Variants in OPA1 observed in about 807,000 individuals in gnomAD.
The protein encoded by OPA1 is dynamin-like GTPase OPA1, mitochondrial.
OPA1 carries 59 observed loss-of-function variants against 152.9 expected under a neutral mutation model. The ratio of observed to expected loss-of-function variants is 0.39; its 90% CI spans 0.31 to 0.48. The LOEUF (loss-of-function observed/expected upper bound fraction) is 0.48, where lower values mean the gene tolerates loss of function less well. Ranked by LOEUF, OPA1 falls within the 20% of genes least tolerant of loss-of-function variation. The pLI is 0.96. For synonymous variants in OPA1, 400 were observed against 389.9 expected (o/e 1.03, Z -0.31); for missense variants, 1,008 against 1,216.8 (o/e 0.83, Z 2.55).
chr3:193,645,757 A>C lies in OPA1; in HGVS notation c.1711A>C (p.Arg571=). Residue 571 remains arginine, a synonymous_variant, in exon 18 of 31, where the codon AGA becomes CGA. Transcript: ENST00000361510. Reference sequence around the variant, plus strand: ...CAGCTCTGAAAGCATTGAAGCTATAAGAGAATATGAAGAAGAGTTTTTTCA... The same window carrying C: ...CAGCTCTGAAAGCATTGAAGCTATACGAGAATATGAAGAAGAGTTTTTTCA... ...GNSSESIEAI[R]EYEEEFFQNS... is the part of the protein sequence containing the mutation. 6.2e-7 allele frequency: 1 copy of C among 1,613,714 alleles called. No homozygotes were observed. The highest frequency in any genetic ancestry group is 1.1e-5 in the South Asian group (1 of 91,062).
intron 6 of OPA1, among the ~76,000 whole-genome samples, chr3:193,620,214 G>A (rs1482542042): frequency 6.6e-6 from 1 of 152,192 alleles, no homozygotes; most frequent in African/African-American, 2.4e-5. Flanking sequence ...GTGTGGTAGT[G>A]TGGTTCTTTG....
chr3:193,684,678 T>G (rs1361727405), intron 29 of OPA1, among the ~76,000 whole-genome samples: 1 of 152,078 alleles, frequency 6.6e-6, no homozygotes, highest in East Asian at 2.0e-4. Context: ...CTTGAACTCC[T>G]GACCTCATGT....
In OPA1 at chr3:193,626,194, A is replaced by G. The variant is rs1433255530; in HGVS notation, c.781A>G (p.Lys261Glu). ...ATATAGCACGAGCTATGCCCAACAG[A>G]AGCGCAAGGTGATGGATGGTTTAAG... is the stretch of plus-strand genomic sequence containing the variant. Reference protein sequence around the residue: ...GQYSTSYAQQKRKVSDKEKID... With the variant: ...GQYSTSYAQQERKVSDKEKID... Residue 261 changes from lysine (K) to glutamate (E), a missense_variant, in exon 7 of 31, where the codon AAG (lysine) becomes GAG (glutamate). Lys to Glu is a moderately conservative substitution (Grantham distance 56). Around this residue, in one of 7 missense-constraint regions of OPA1, gnomAD observed 408 missense variants for 395.1 expected, o/e 1.03. Coordinates refer to ENST00000361510, the MANE Select transcript of OPA1 (RefSeq NM_130837.3). 6.2e-7 allele frequency: 1 copy of G among 1,613,190 alleles called. No homozygotes were observed.
At chr3:193,643,826 A>T in intron 15 of OPA1, 149 bp from the exon 16 acceptor site, 1 of 987,138 alleles carries the variant, frequency 1.0e-6, no homozygotes, top group Non-Finnish European at 1.5e-6. Flanking sequence ...TGAAATTTTT[A>T]TCGGCTAGGA....
chr3:193,653,408 A>T (rs906794666), intron 21 of OPA1, among the ~76,000 whole-genome samples: 1 of 152,130 alleles, frequency 6.6e-6, no homozygotes, highest in Non-Finnish European at 1.5e-5. Flanking sequence ...TATTTCTGCT[A>T]CCCTGAGATT....
rs563730167 is a variant in OPA1, at chr3:193,601,699, A to G, written c.32+8290A>G. On this transcript the variant is annotated intron_variant, in intron 1 of 30. Transcript: ENST00000361510. The stretch of plus-strand genomic sequence containing the variant: ...CAAATCTTGAGTATGTGATGCCTGC[A>G]AGCACAATATACGTTTTGTAGGCAT... Among the ~76,000 whole-genome samples, 19 of 152,362 alleles carry G rather than the reference A, an allele frequency of 1.2e-4. No individual in the cohort carries two copies. The South Asian group carries it at 3.7e-3, about 30-fold the overall frequency.
At chr3:193,662,492 G>A (rs1234169753) in intron 25 of OPA1, among the ~76,000 whole-genome samples, 3 of 152,014 alleles carry the variant, frequency 2.0e-5, no homozygotes, top group Non-Finnish European at 2.9e-5. Flanking sequence ...TATACCCTAC[G>A]GTCAAGAAAG....
intron 29 of OPA1, among the ~76,000 whole-genome samples, chr3:193,676,070 T>C (rs529565833): frequency 9.8e-5 from 15 of 152,326 alleles, no homozygotes; most frequent in African/African-American, 3.6e-4. Flanking sequence ...AACCACTTAT[T>C]GATAGATCAC....
intron 7 of OPA1, among the ~76,000 whole-genome samples, chr3:193,628,045 C>T (rs1316845425): frequency 6.6e-6 from 1 of 152,094 alleles, no homozygotes; most frequent in Non-Finnish European, 1.5e-5. Context: ...ATATCCTCCA[C>T]TCCTTTCCCC....
intron 29 of OPA1, among the ~76,000 whole-genome samples, chr3:193,681,874 C>G (rs558164209): frequency 2.2e-4 from 25 of 116,076 alleles, no homozygotes; most frequent in Non-Finnish European, 3.8e-4. Context: ...CTCTCTCCTC[C>G]TCTTCAGGCC....
Position 193,614,817 on chromosome 3 carries a change from T to C in OPA1, c.127T>C (p.Ser43Pro), listed in dbSNP as rs1315189266. 3 of 1,612,216 alleles carry C rather than the reference T, an allele frequency of 1.9e-6. No individual in the cohort carries two copies. In the Admixed American group the frequency reaches 5.0e-5, roughly 27 times the overall value. The change falls in exon 2 of 31, where the codon TCA (serine) becomes CCA (proline). Residue 43 changes from serine (S) to proline (P), a missense_variant. Coordinates refer to ENST00000361510, the MANE Select transcript of OPA1 (RefSeq NM_130837.3). The part of the protein sequence containing the change: ...LHLVSRSIYH[S>P]HHPTLKLQRP... ...TCTGGTTTCACGAAGCATTTATCAT[T>C]CACATCATCCTACCTTAAAGCTTCA...
chr3:193,692,174 C>A, intron 30 of OPA1, 42 bp downstream of exon 30: 1 of 988,260 alleles, frequency 1.0e-6, no homozygotes, highest in Non-Finnish European at 1.6e-6. Context: ...TGACTAAATA[C>A]AAAATTACAC....
At chr3:193,618,029 A>C (rs1270646828) in intron 5 of OPA1, among the ~76,000 whole-genome samples, 192 bp downstream of exon 5, 1 of 152,240 alleles carries the variant, frequency 6.6e-6, no homozygotes, top group Non-Finnish European at 1.5e-5. Context: ...ATAACACTAA[A>C]ATTCTTAAAT....
intron 21 of OPA1, among the ~76,000 whole-genome samples, chr3:193,652,348 C>A (rs1426974589): frequency 6.6e-6 from 1 of 151,634 alleles, no homozygotes; most frequent in African/African-American, 2.4e-5. Context: ...TGCCACTGCA[C>A]TTCAGCCTGG....
intron 27 of OPA1, among the ~76,000 whole-genome samples, chr3:193,665,261 A>T (rs1162474247): frequency 3.8e-5 from 4 of 105,630 alleles, no homozygotes; most frequent in Non-Finnish European, 7.8e-5. Context: ...AATAGTAAAA[A>T]AAATAAATAA....
rs141123599 is a variant in OPA1, at chr3:193,615,531, G to A, written c.352-143G>A. The A allele has an allele frequency of 1.0e-3, 686 of 669,832 alleles. 2 individuals are homozygous for A. Among genetic ancestry groups the A allele is most frequent in the Non-Finnish European group, 1.6e-3 (609 of 373,202 alleles). 41.5% of individuals were successfully genotyped at this position (669,832 alleles called of 1,614,324 possible). A position where few individuals can be genotyped will look rare whatever the true frequency, so the allele number is the denominator to read the frequency against. On this transcript the variant is annotated intron_variant, in intron 2 of 30. Coordinates refer to ENST00000361510, the MANE Select transcript of OPA1 (RefSeq NM_130837.3). ...AACTTGTTTTATATGCTTGTTTGCT[G>A]AGACCACTTAATTTTGTTTCTTAAA...
chr3:193,675,326 A>AG (rs1389187068), intron 29 of OPA1, among the ~76,000 whole-genome samples: 1 of 110,792 alleles, frequency 9.0e-6, no homozygotes, highest in Non-Finnish European at 1.9e-5. Context: ...TTTTTTTTTA[A>AG]GAAAAAAAAA....
chr3:193,656,132 T>A (rs573709435), intron 22 of OPA1, among the ~76,000 whole-genome samples: 1 of 152,186 alleles, frequency 6.6e-6, no homozygotes, highest in Non-Finnish European at 1.5e-5. Context: ...TTACTGGCAC[T>A]AACATTTTTT....
intron 1 of OPA1, among the ~76,000 whole-genome samples, chr3:193,596,162 T>C (rs1178873905): frequency 1.3e-5 from 2 of 148,994 alleles, no homozygotes; most frequent in Non-Finnish European, 3.0e-5. Flanking sequence ...TTACCACAGC[T>C]CTGCATCACT....
Sources: gnomAD v4.1 joint callset for allele counts (sites outside exome capture counted in the v4.1 genomes callset) on GRCh38, gnomAD v4.1.1 for gene constraint, gnomAD v4.1.1 regional missense constraint, MANE v1.5 for transcripts, NCBI Gene and HGNC (gene_info 2026-07-23, HGNC 2026-07-21) for gene names.